Variants in RERE observed in about 807,000 individuals in gnomAD.
RERE encodes the protein arginine-glutamic acid dipeptide repeats.
A neutral mutation model predicts 146.1 loss-of-function variants in RERE; 40 were observed. That is an observed-to-expected ratio of 0.27 (90% CI 0.21 to 0.36). The LOEUF (loss-of-function observed/expected upper bound fraction) is 0.36, where lower values mean the gene tolerates loss of function less well. Among genes scored for constraint, RERE ranks in the 10% least tolerant of loss-of-function variants. The pLI is 1.00. For missense variants in RERE, 1,933 were observed against 2,138.7 expected (o/e 0.90, Z 1.90); for synonymous variants, 1,003 against 866.0 (o/e 1.16, Z -2.78).
intron 1 of RERE, among the ~76,000 whole-genome samples, chr1:8,772,975 T>A (rs1277873452): frequency 6.6e-6 from 1 of 152,026 alleles, no homozygotes; most frequent in East Asian, 1.9e-4. Flanking sequence ...TAATCCCAGC[T>A]ACTTGGGAAG....
At chr1:8,432,479 C>G (rs925266796) in intron 11 of RERE, among the ~76,000 whole-genome samples, 1 of 151,998 alleles carries the variant, frequency 6.6e-6, no homozygotes, top group African/African-American at 2.4e-5. Flanking sequence ...AGGCACTGTG[C>G]GAAGCATGTT....
chr1:8,683,647 T>G (rs1639023845), intron 1 of RERE, among the ~76,000 whole-genome samples: 1 of 152,158 alleles, frequency 6.6e-6, no homozygotes, highest in African/African-American at 2.4e-5. Flanking sequence ...GACTTTATTT[T>G]TAAAAAATAA....
intron 12 of RERE, among the ~76,000 whole-genome samples, chr1:8,394,709 A>G (rs934955115): frequency 5.9e-5 from 9 of 152,182 alleles, no homozygotes; most frequent in African/African-American, 2.2e-4. Context: ...AGCCAGAGTC[A>G]CCCAATTGCT....
chr1:8,514,758 G>A (rs982151778), intron 7 of RERE, among the ~76,000 whole-genome samples: 2 of 151,470 alleles, frequency 1.3e-5, no homozygotes, highest in African/African-American at 4.9e-5. Context: ...AGAAAAGAAA[G>A]AAAAGACAAG....
At chr1:8,647,679 C>T (rs867536012) in intron 2 of RERE, among the ~76,000 whole-genome samples, 1 of 93,684 alleles carries the variant, frequency 1.1e-5, no homozygotes. Context: ...GTGTGTGTGT[C>T]CCCTGGAACA....
At chr1:8,410,427 G>A (rs1643582085) in intron 12 of RERE, among the ~76,000 whole-genome samples, 1 of 152,194 alleles carries the variant, frequency 6.6e-6, no homozygotes, top group Non-Finnish European at 1.5e-5. Flanking sequence ...TGAGGAAGAC[G>A]TTATGGCAAG....
intron 1 of RERE, among the ~76,000 whole-genome samples, chr1:8,767,737 G>A (rs1196646183): frequency 6.6e-6 from 1 of 152,002 alleles, no homozygotes; most frequent in Non-Finnish European, 1.5e-5. Context: ...CAAGGCAGGC[G>A]GATCACTTGA....
At chr1:8,707,450 A>G (rs907181060) in intron 1 of RERE, among the ~76,000 whole-genome samples, 1 of 152,204 alleles carries the variant, frequency 6.6e-6, no homozygotes, top group Non-Finnish European at 1.5e-5. Flanking sequence ...CCGCTCTGTC[A>G]CAGCAAAGGA....
At chr1:8,441,321 G>C (rs1300298099) in intron 11 of RERE, among the ~76,000 whole-genome samples, 5 of 152,180 alleles carry the variant, frequency 3.3e-5, no homozygotes, top group African/African-American at 4.8e-5. Context: ...CCATCAGCCT[G>C]AGAAGGCACA....
chr1:8,486,864 A>G (rs375445776), intron 10 of RERE, among the ~76,000 whole-genome samples: 8 of 152,102 alleles, frequency 5.3e-5, no homozygotes, highest in South Asian at 4.1e-4. Context: ...GTAGAAAGTA[A>G]TATCAATCTT....
intron 11 of RERE, among the ~76,000 whole-genome samples, chr1:8,446,897 T>A (rs1446537054): frequency 6.6e-6 from 1 of 151,816 alleles, no homozygotes; most frequent in Non-Finnish European, 1.5e-5. Flanking sequence ...GGCAGGATGG[T>A]CTCAATCTCC....
In RERE at chr1:8,703,818, C is replaced by T. The variant is rs534268302; in HGVS notation, c.-144-47377G>A. 4.6e-5 allele frequency among the ~76,000 whole-genome samples: 7 copies of T among 152,338 alleles called. No individual in the cohort carries two copies. In the South Asian group the frequency reaches 1.4e-3, roughly 32 times the overall value. On this transcript the variant is annotated intron_variant, in intron 1 of 22. Transcript: ENST00000400908. ...AGATGAAACAACCAACAATCACAGA[C>T]AAGCTAAACATTTATTTCAAAGATG...
intron 1 of RERE, among the ~76,000 whole-genome samples, chr1:8,760,466 T>C (rs1640732857): frequency 6.6e-6 from 1 of 152,180 alleles, no homozygotes; most frequent in South Asian, 2.1e-4. Flanking sequence ...AGTACAGCTT[T>C]GTTGCAAGTA....
intron 11 of RERE, among the ~76,000 whole-genome samples, chr1:8,460,942 A>T (rs1436233472): frequency 6.6e-6 from 1 of 152,240 alleles, no homozygotes; most frequent in East Asian, 1.9e-4. Flanking sequence ...TAGCATCCCC[A>T]GTATTTCCAT....
chr1:8,627,699 T>C (rs923511484), intron 2 of RERE, among the ~76,000 whole-genome samples: 1 of 152,168 alleles, frequency 6.6e-6, no homozygotes, highest in South Asian at 2.1e-4. Context: ...ATATATACTT[T>C]AAATAATCCA....
intron 7 of RERE, among the ~76,000 whole-genome samples, chr1:8,528,411 T>C (rs1177297332): frequency 1.9e-5 from 2 of 107,030 alleles, no homozygotes; most frequent in East Asian, 2.4e-4. Context: ...CTATATCATA[T>C]TGTATTAATG....
At chr1:8,550,798 T>G (rs920921289) in intron 6 of RERE, among the ~76,000 whole-genome samples, 11 of 152,226 alleles carry the variant, frequency 7.2e-5, no homozygotes, top group Non-Finnish European at 1.5e-4. Context: ...TCTGCCCACC[T>G]TGGCCTCCCA....
At chr1:8,449,235 T>TATGAA (rs1644362542) in intron 11 of RERE, among the ~76,000 whole-genome samples, 1 of 152,214 alleles carries the variant, frequency 6.6e-6, no homozygotes, top group Non-Finnish European at 1.5e-5. Context: ...AGCTCCTTCA[T>TATGAA]GTCTTCTGTT....
chr1:8,424,084 C>T lies in RERE; in HGVS notation c.1204-1277G>A, dbSNP rs1643967037. Reference sequence around the variant, plus strand: ...CCCAGGCTGCTGGGTCTCCAGCCCACGTTCCGGATGGACGAAGTCGGCTGC... The same window carrying T: ...CCCAGGCTGCTGGGTCTCCAGCCCATGTTCCGGATGGACGAAGTCGGCTGC... On this transcript the variant is annotated intron_variant, in intron 11 of 22. Transcript: ENST00000400908. 5 of 152,324 alleles carry T rather than the reference C, an allele frequency of 3.3e-5. No individual in the cohort carries two copies. In the South Asian group the frequency reaches 1.0e-3, roughly 32 times the overall value. 9.4% of individuals were successfully genotyped at this position (152,324 alleles called of 1,614,324 possible). A position where few individuals can be genotyped will look rare whatever the true frequency, so the allele number is the denominator to read the frequency against.
Sources: allele counts gnomAD v4.1 joint callset (sites outside exome capture counted in the v4.1 genomes callset), GRCh38; gene constraint gnomAD v4.1.1; transcripts MANE v1.5; gene names NCBI Gene and HGNC (gene_info 2026-07-23, HGNC 2026-07-21).